SPTLC1: variants seen among roughly 807,000 people sequenced by gnomAD.
SPTLC1 encodes the protein serine palmitoyltransferase 1.
A neutral mutation model predicts 68.9 loss-of-function variants in SPTLC1; 55 were observed. That is an observed-to-expected ratio of 0.80 (90% confidence interval 0.64 to 1.00). SPTLC1 has a LOEUF of 1.00. SPTLC1 is among the 50% of genes least tolerant of loss of function. SPTLC1 has a pLI of 0.00. For synonymous variants in SPTLC1, 197 were observed against 201.6 expected (o/e 0.98, Z 0.19); for missense variants, 449 against 573.1 (o/e 0.78, Z 2.21).
At chr9:92,054,258 G>C (rs551603995) in intron 8 of SPTLC1, among the ~76,000 whole-genome samples, 102 of 152,270 alleles carry the variant, frequency 6.7e-4, no homozygotes, top group African/African-American at 2.4e-3. Context: ...TCCAGCCTGG[G>C]CAACATAAGT....
intron 6 of SPTLC1, among the ~76,000 whole-genome samples, chr9:92,061,063 A>G (rs1019788208): frequency 1.3e-5 from 2 of 152,344 alleles, no homozygotes; most frequent in Middle Eastern, 6.8e-3. Context: ...AAGAAGAGAA[A>G]GAGGTGGGGA....
intron 8 of SPTLC1, chr9:92,050,326 C>T: frequency 2.4e-6 from 1 of 420,230 alleles, no homozygotes. Flanking sequence ...TGAGGGTGAA[C>T]AGGCGACTGT....
intron 9 of SPTLC1, among the ~76,000 whole-genome samples, chr9:92,048,513 A>G (rs1367289801): frequency 6.6e-6 from 1 of 152,208 alleles, no homozygotes; most frequent in Non-Finnish European, 1.5e-5. Flanking sequence ...TCAAGCCTGA[A>G]CAAAGTAGAA....
In SPTLC1 at chr9:92,080,015, C is replaced by A; in HGVS notation, c.427+1G>T. The A allele has an allele frequency of 1.2e-6, 2 of 1,612,444 alleles. No homozygotes were observed. Among genetic ancestry groups the A allele is most frequent in the East Asian group, 2.2e-5 (1 of 44,882 alleles). On this transcript the variant is annotated splice_donor_variant, in intron 5 of 14. Transcript: ENST00000262554. LOFTEE classifies it high-confidence loss of function. Reference sequence around the variant, plus strand: ...TCAAAGAGAACACAACAAAAACTTACCAAATGTGCCATAAAATCCTCTGGG... The same window carrying A: ...TCAAAGAGAACACAACAAAAACTTAACAAATGTGCCATAAAATCCTCTGGG...
chr9:92,049,185 T>C (rs543781745), intron 9 of SPTLC1, among the ~76,000 whole-genome samples: 1 of 152,334 alleles, frequency 6.6e-6, no homozygotes, highest in East Asian at 1.9e-4. Flanking sequence ...ACTATATGGT[T>C]AGCGGGATGT....
intron 3 of SPTLC1, among the ~76,000 whole-genome samples, chr9:92,081,741 C>T (rs114101551): frequency 0.024 from 3,651 of 152,162 alleles, 58 homozygotes; most frequent in Middle Eastern, 0.082. Context: ...CAAAATAGAA[C>T]GGAAAAGAAA....
intron 7 of SPTLC1, among the ~76,000 whole-genome samples, chr9:92,058,697 A>G (rs1833978701): frequency 6.6e-6 from 1 of 152,218 alleles, no homozygotes; most frequent in Non-Finnish European, 1.5e-5. Context: ...AGCTGCTCAG[A>G]GCAGGATACA....
At chr9:92,072,120 G>C (rs1040410955) in intron 5 of SPTLC1, among the ~76,000 whole-genome samples, 1 of 152,106 alleles carries the variant, frequency 6.6e-6, no homozygotes, top group Non-Finnish European at 1.5e-5. Context: ...TCAATTGGAC[G>C]CATGCATAAC....
chr9:92,067,304 C>CAAAA (rs770486590), intron 6 of SPTLC1, among the ~76,000 whole-genome samples: 9 of 98,878 alleles, frequency 9.1e-5, no homozygotes, highest in Admixed American at 3.1e-4. Flanking sequence ...ATCTCACACA[C>CAAAA]AAAAAAAAAA....
intron 5 of SPTLC1, chr9:92,079,595 TC>T: frequency 6.3e-7 from 1 of 1,583,618 alleles, no homozygotes; most frequent in Non-Finnish European, 8.7e-7. Flanking sequence ...ACACTGTTTA[TC>T]CCCCCTCCCT....
intron 6 of SPTLC1, among the ~76,000 whole-genome samples, chr9:92,066,106 A>G (rs1363915923): frequency 6.6e-6 from 1 of 152,216 alleles, no homozygotes; most frequent in Non-Finnish European, 1.5e-5. Context: ...TATTCTAAGT[A>G]ATGGGCTCCC....
At chr9:92,040,000 G>T (rs1833284578) in intron 12 of SPTLC1, among the ~76,000 whole-genome samples, 1 of 152,052 alleles carries the variant, frequency 6.6e-6, no homozygotes, top group African/African-American at 2.4e-5. Flanking sequence ...CATTTCCTGT[G>T]TAAATTCTGA....
At chr9:92,071,877 C>T (rs1255472822) in intron 5 of SPTLC1, among the ~76,000 whole-genome samples, 1 of 152,192 alleles carries the variant, frequency 6.6e-6, no homozygotes, top group East Asian at 1.9e-4. Context: ...ATCAATCAAC[C>T]TCATGACACA....
chr9:92,035,379 G>A (rs1277170907), intron 13 of SPTLC1, among the ~76,000 whole-genome samples: 1 of 152,160 alleles, frequency 6.6e-6, no homozygotes, highest in Non-Finnish European at 1.5e-5. Flanking sequence ...GTGGCATCTG[G>A]GCATGGTGCC....
chr9:92,047,360 C>T lies in SPTLC1; in HGVS notation c.985-92G>A, dbSNP rs1466955214. 10 of 1,046,080 alleles carry T rather than the reference C, an allele frequency of 9.6e-6. No individual in the cohort carries two copies. The East Asian group carries it at 2.4e-4, about 25-fold the overall frequency. 64.8% of individuals were successfully genotyped at this position (1,046,080 alleles called of 1,614,324 possible). A position where few individuals can be genotyped will look rare whatever the true frequency, so the allele number is the denominator to read the frequency against. ...CCAGTTCTCTAGAACAACTACTGAA[C>T]AGTGTGTACATGTGGTGAGGGGGGT... On this transcript the variant is annotated intron_variant, in intron 10 of 14. Coordinates refer to ENST00000262554, the MANE Select transcript of SPTLC1 (RefSeq NM_006415.4).
chr9:92,054,818 C>G (rs1414489678), intron 8 of SPTLC1, among the ~76,000 whole-genome samples: 1 of 152,094 alleles, frequency 6.6e-6, no homozygotes, highest in African/African-American at 2.4e-5. Flanking sequence ...GAGGCTGAGG[C>G]AGGAGAACTG....
At chr9:92,072,760 GACA>G (rs1834543219) in intron 5 of SPTLC1, among the ~76,000 whole-genome samples, 1 of 152,028 alleles carries the variant, frequency 6.6e-6, no homozygotes, top group Non-Finnish European at 1.5e-5. Context: ...GCGGGACTTA[GACA>G]ACTTCGGTTG....
At position 92,032,060 on chromosome 9, in the gene SPTLC1, C is replaced by T. The variant is rs1832981504; in HGVS notation, c.*405G>A. ...TAGCTTTAATGTTGCAGTCATTTTTCTATGAAATACTAAGGAGTTAAGGAG... is the reference window on the plus strand; with the variant it reads ...TAGCTTTAATGTTGCAGTCATTTTTTTATGAAATACTAAGGAGTTAAGGAG... On this transcript the variant is annotated 3_prime_UTR_variant, in exon 15 of 15. Coordinates refer to ENST00000262554, the MANE Select transcript of SPTLC1 (RefSeq NM_006415.4). The T allele has an allele frequency of 8.6e-6, 4 of 462,746 alleles. No homozygotes were observed. The highest frequency in any genetic ancestry group is 2.0e-5 in the African/African-American group (1 of 50,402). 28.7% of individuals were successfully genotyped at this position (462,746 alleles called of 1,614,324 possible).
At position 92,086,077 on chromosome 9, in the gene SPTLC1, T is replaced by C. The variant is rs555131361; in HGVS notation, c.261-5114A>G. On this transcript the variant is annotated intron_variant, in intron 3 of 14. Transcript: ENST00000262554. ...CTAGGATTGCAACCCCTGCCTTTTT[T>C]TGTTTTCCATTTGCTTGGTAGATCT... Among the ~76,000 whole-genome samples the C allele has an allele frequency of 1.4e-3, 211 of 151,906 alleles. 1 individual carries two copies. Among genetic ancestry groups the C allele is most frequent in the African/African-American group, 3.8e-3 (159 of 41,456 alleles).
Sources: allele counts gnomAD v4.1 joint callset (sites outside exome capture counted in the v4.1 genomes callset), GRCh38; gene constraint gnomAD v4.1.1; transcripts MANE v1.5; gene names NCBI Gene and HGNC (gene_info 2026-07-23, HGNC 2026-07-21).